Variants in ULK3 observed in about 807,000 individuals in gnomAD.
The protein encoded by ULK3 is unc-51 like kinase 3, also known as serine/threonine-protein kinase ULK3.
A neutral mutation model predicts 69.4 loss-of-function variants in ULK3; 54 were observed. The ratio of observed to expected loss-of-function variants is 0.78; its 90% confidence interval spans 0.63 to 0.98. ULK3 has a LOEUF of 0.98. ULK3 is among the 50% of genes least tolerant of loss of function. The probability of loss-of-function intolerance (pLI) is 0.00; values close to 1 mark genes in which losing one functional copy is unlikely to be tolerated. For synonymous variants in ULK3, 240 were observed against 254.5 expected (o/e 0.94, Z 0.54); for missense variants, 558 against 627.7 (o/e 0.89, Z 1.19).
intron 8 of ULK3, 26 bp downstream of exon 8, chr15:74,839,242 G>T (rs1233805888): frequency 6.4e-7 from 1 of 1,550,608 alleles, no homozygotes; most frequent in Non-Finnish European, 8.7e-7. Flanking sequence ...TGCACCCACG[G>T]GCTTCAGGCA....
rs2064040808 is a variant in ULK3, at chr15:74,837,141, C to T, written c.*87G>A. Reference sequence around the variant, plus strand: ...CCAAGAAGCCTGCTCGCCAGGGCTGCAGTGGGCCACTTCATTCTTGGCGTC... The same window carrying T: ...CCAAGAAGCCTGCTCGCCAGGGCTGTAGTGGGCCACTTCATTCTTGGCGTC... On this transcript the variant is annotated 3_prime_UTR_variant, in exon 16 of 16. Transcript: ENST00000440863. 1.6e-5 allele frequency: 24 copies of T among 1,486,834 alleles called. No individual in the cohort carries two copies. The highest frequency in any genetic ancestry group is 1.9e-4 in the Middle Eastern group (1 of 5,254). 92.1% of individuals were successfully genotyped at this position (1,486,834 alleles called of 1,614,324 possible).
Position 74,843,061 on chromosome 15 carries a change from G to A in ULK3, c.45C>T (p.Ile15=), listed in dbSNP as rs1162218516. 1 of 1,486,324 alleles carries A rather than the reference G, an allele frequency of 6.7e-7. No homozygotes were observed. The highest frequency in any genetic ancestry group is 9.0e-7 in the Non-Finnish European group (1 of 1,113,372). 92.1% of individuals were successfully genotyped at this position (1,486,324 alleles called of 1,614,324 possible). A position where few individuals can be genotyped will look rare whatever the true frequency, so the allele number is the denominator to read the frequency against. The change falls in exon 1 of 16, where the codon ATC becomes ATT. Residue 15 remains isoleucine (I), a synonymous_variant. Coordinates refer to ENST00000440863, the MANE Select transcript of ULK3 (RefSeq NM_001099436.4). ...GWGPPRLDGF[I]LTERLGSGTY... is the part of the protein sequence containing the mutation. ...TGCCGCTGCCCAGGCGCTCGGTGAG[G>A]ATGAAGCCGTCCAGGCGCGGGGGAC... is the stretch of plus-strand genomic sequence containing the variant.
At position 74,836,318 on chromosome 15, in the gene ULK3, T is replaced by C. The variant is rs568450912; in HGVS notation, c.*910A>G. 9 of 152,340 alleles carry C rather than the reference T, an allele frequency of 5.9e-5. 1 individual carries two copies. The South Asian group carries it at 1.4e-3, about 25-fold the overall frequency. 9.4% of individuals were successfully genotyped at this position (152,340 alleles called of 1,614,324 possible). A position where few individuals can be genotyped will look rare whatever the true frequency, so the allele number is the denominator to read the frequency against. ...TTCACTTTGTCCTCATAAGTGCCCA[T>C]GCTGTGGGCTGTGAAGGTATCAGCC... On this transcript the variant is annotated 3_prime_UTR_variant, in exon 16 of 16. Coordinates refer to ENST00000440863, the MANE Select transcript of ULK3 (RefSeq NM_001099436.4). The surrounding 1 kb of genome is among the most constrained non-coding windows in gnomAD (Gnocchi z 4.0).
intron 13 of ULK3, 37 bp from the exon 14 acceptor site, chr15:74,837,835 A>G: frequency 6.9e-7 from 1 of 1,446,470 alleles, no homozygotes. Flanking sequence ...TGTGGGGGAG[A>G]GTGGCGGGGG....
At chr15:74,838,922 A>T in intron 9 of ULK3, 88 bp downstream of exon 9, 1 of 1,520,460 alleles carries the variant, frequency 6.6e-7, no homozygotes, top group Non-Finnish European at 8.9e-7. Flanking sequence ...GGAAGTTCCA[A>T]TTCTAAGAGA....
chr15:74,837,327 A>C (rs752743620), intron 15 of ULK3, 42 bp downstream of exon 15: 2 of 1,612,674 alleles, frequency 1.2e-6, no homozygotes, highest in Non-Finnish European at 1.7e-6. Context: ...CCCAGCCCTC[A>C]CCCCTCCTTG....
rs866722074 is a variant in ULK3 at position 74,838,659 on chromosome 15, G to A, written c.1086C>T (p.Ala362=). 6.2e-7 allele frequency: 1 copy of A among 1,611,786 alleles called. No individual in the cohort carries two copies. Among genetic ancestry groups the A allele is most frequent in the Non-Finnish European group, 8.5e-7 (1 of 1,178,900 alleles). The stretch of plus-strand genomic sequence containing the variant: ...GGAGTCTACCTCTGAGCAGGTCTCG[G>A]GCAGAGGTCCCCTGCCTCAGCAGGG... The part of the protein sequence containing the change: ...NQALLRQGTS[A]RDLLREMARD... Residue 362 remains alanine, a synonymous_variant, in exon 10 of 16, where the codon GCC becomes GCT. Transcript: ENST00000440863.
chr15:74,838,236 C>A, intron 12 of ULK3, 30 bp downstream of exon 12: 1 of 1,564,726 alleles, frequency 6.4e-7, no homozygotes, highest in Non-Finnish European at 8.7e-7. Flanking sequence ...GGCCAGAGGC[C>A]CTGTGGGGGG....
rs187056925 is a variant in ULK3 at position 74,837,163 on chromosome 15, C to T, written c.*65G>A. On this transcript the variant is annotated 3_prime_UTR_variant, in exon 16 of 16. Coordinates refer to ENST00000440863, the MANE Select transcript of ULK3 (RefSeq NM_001099436.4). ...CTGCAGTGGGCCACTTCATTCTTGG[C>T]GTCAGCCTGGGTTAGTGCCCCTCTG... The T allele has an allele frequency of 2.5e-3, 3,782 of 1,508,716 alleles. 8 individuals carry two copies. Among genetic ancestry groups the T allele is most frequent in the Non-Finnish European group, 3.1e-3 (3,462 of 1,128,588 alleles). 93.5% of individuals were successfully genotyped at this position (1,508,716 alleles called of 1,614,324 possible).
chr15:74,839,793 C>A, intron 6 of ULK3, 80 bp from the exon 7 acceptor site: 1 of 1,443,642 alleles, frequency 6.9e-7, no homozygotes, highest in East Asian at 2.5e-5. Flanking sequence ...TGCGAGGAAC[C>A]CCAGAGGTAC....
rs376891777 is a variant in ULK3, at chr15:74,841,482, C to T, written c.392G>A (p.Arg131Gln). 8.1e-6 allele frequency: 13 copies of T among 1,613,730 alleles called. No homozygotes were observed. The highest frequency in any genetic ancestry group is 3.3e-5 in the Admixed American group (2 of 59,992). The change falls in exon 4 of 16, where the codon CGG (arginine) becomes CAG (glutamine). Residue 131 changes from arginine to glutamine, a missense_variant. Arg to Gln is a conservative substitution (Grantham distance 43). Coordinates refer to ENST00000440863, the MANE Select transcript of ULK3 (RefSeq NM_001099436.4). ...CTTCAGATCCAGGTGAGAGATATTC[C>T]GTTCATGCAGGAATTGCAGGGCGCT... ...LASALQFLHERNISHLDLKPQ... is the reference protein window; with the variant it reads ...LASALQFLHEQNISHLDLKPQ...
chr15:74,842,660 C>T lies in ULK3; in HGVS notation c.103-240G>A. ...CTTCTCCAACCCTCGGCTAGCTGAT[C>T]CATTTCTTTGCATTCTGGAGTGCTC... is the stretch of plus-strand genomic sequence containing the variant. On this transcript the variant is annotated intron_variant, in intron 1 of 15. Coordinates refer to ENST00000440863, the MANE Select transcript of ULK3 (RefSeq NM_001099436.4). The surrounding 1 kb of genome is among the most constrained non-coding windows in gnomAD (Gnocchi z 4.9). 7 of 1,535,948 alleles carry T rather than the reference C, an allele frequency of 4.6e-6. No homozygotes were observed. The highest frequency in any genetic ancestry group is 1.2e-5 in the South Asian group (1 of 84,126).
chr15:74,841,978 G>A (rs1567240781), intron 3 of ULK3, 97 bp downstream of exon 3: 3 of 1,569,052 alleles, frequency 1.9e-6, no homozygotes, highest in Non-Finnish European at 2.6e-6. Context: ...GGAGGCAGCT[G>A]CAATGCGTGC....
At position 74,838,152 on chromosome 15, in the gene ULK3, C is replaced by T. The variant is rs2064093292; in HGVS notation, c.1287G>A (p.Glu429=). The change falls in exon 13 of 16, where the codon GAG becomes GAA. Residue 429 remains glutamate (E), a splice_region_variant and synonymous_variant. Transcript: ENST00000440863. ...PGRRRELLHT[E]VQNLMARAEY... ...CAACCCTCTCAAGCTCAGTGGGCAC[C>T]TCAGTGTGAAGCAGCTCCCGCCTCC... is the stretch of plus-strand genomic sequence containing the variant. 6 of 1,556,126 alleles carry T rather than the reference C, an allele frequency of 3.9e-6. No individual in the cohort carries two copies. Among genetic ancestry groups the T allele is most frequent in the Non-Finnish European group, 4.3e-6 (5 of 1,150,602 alleles).
chr15:74,838,664 A>T lies in ULK3; in HGVS notation c.1081T>A (p.Ser361Thr), dbSNP rs369507004. The part of the protein sequence containing the change: ...SNQALLRQGT[S>T]ARDLLREMAR... ...CTACCTCTGAGCAGGTCTCGGGCAGAGGTCCCCTGCCTCAGCAGGGCCTGA... is the reference window on the plus strand; with the variant it reads ...CTACCTCTGAGCAGGTCTCGGGCAGTGGTCCCCTGCCTCAGCAGGGCCTGA... The change falls in exon 10 of 16, where the codon TCT (serine) becomes ACT (threonine). Residue 361 changes from serine to threonine, a missense_variant. Transcript: ENST00000440863. The T allele has an allele frequency of 9.9e-6, 16 of 1,611,850 alleles. No individual in the cohort carries two copies. The highest frequency in any genetic ancestry group is 2.5e-6 in the Non-Finnish European group (3 of 1,178,946).
At position 74,842,478 on chromosome 15, in the gene ULK3, T is replaced by G. The variant is rs528721209; in HGVS notation, c.103-58A>C. 6 of 1,611,916 alleles carry G rather than the reference T, an allele frequency of 3.7e-6. No individual in the cohort carries two copies. In the East Asian group the frequency reaches 1.3e-4, roughly 36 times the overall value. ...GAGGGGGCCAGGACCCTTGTCTGACTGGAAAGGCTCTATCTGGTTCCCTCT... is the reference window on the plus strand; with the variant it reads ...GAGGGGGCCAGGACCCTTGTCTGACGGGAAAGGCTCTATCTGGTTCCCTCT... On this transcript the variant is annotated intron_variant, in intron 1 of 15. Coordinates refer to ENST00000440863, the MANE Select transcript of ULK3 (RefSeq NM_001099436.4). The surrounding 1 kb of genome is among the most constrained non-coding windows in gnomAD (Gnocchi z 4.9).
chr15:74,840,751 C>T (rs1484300691), intron 4 of ULK3, 110 bp from the exon 5 acceptor site: 2 of 1,389,278 alleles, frequency 1.4e-6, no homozygotes, highest in Non-Finnish European at 1.9e-6. Context: ...CCAGGATCAA[C>T]CCTATTTCCA....
In ULK3 at chr15:74,842,345, G is replaced by A; in HGVS notation, c.178C>T (p.Leu60Phe). Residue 60 changes from leucine (L) to phenylalanine (F), a missense_variant, in exon 2 of 16, where the codon CTC becomes TTC. Leu to Phe is a conservative substitution (Grantham distance 22). Coordinates refer to ENST00000440863, the MANE Select transcript of ULK3 (RefSeq NM_001099436.4). The surrounding 1 kb of genome is among the most constrained non-coding windows in gnomAD (Gnocchi z 4.9). ...CCCTTGAGGATCTCAATCTCCGTGA[G>A]GAGGTTCTCCACCGATGCCTTGTTC... The part of the protein sequence containing the change: ...SLNKASVENL[L>F]TEIEILKGIR... 6.2e-7 allele frequency: 1 copy of A among 1,614,028 alleles called. No individual in the cohort carries two copies. The highest frequency in any genetic ancestry group is 8.5e-7 in the Non-Finnish European group (1 of 1,179,906).
intron 6 of ULK3, 135 bp from the exon 7 acceptor site, chr15:74,839,848 G>T: frequency 7.8e-7 from 1 of 1,273,968 alleles, no homozygotes; most frequent in Non-Finnish European, 1.0e-6. Context: ...GAACAGGATG[G>T]GTCAGGATGA....
Sources: allele counts gnomAD v4.1 joint callset, GRCh38; gene constraint gnomAD v4.1.1; non-coding constraint Gnocchi (gnomAD v3.1); transcripts MANE v1.5; gene names NCBI Gene and HGNC (gene_info 2026-07-23, HGNC 2026-07-21).